TESK2: variants seen among roughly 807,000 people sequenced by gnomAD.
TESK2 encodes the protein dual specificity testis-specific protein kinase 2.
TESK2 carries 39 observed loss-of-function variants against 57.1 expected under a neutral mutation model. The observed-to-expected ratio is 0.68, with a 90% CI of 0.53 to 0.89. The LOEUF is 0.89. Among genes scored for constraint, TESK2 ranks in the 40% least tolerant of loss-of-function variants. The pLI is 0.00. For missense variants in TESK2, 646 were observed against 732.1 expected (o/e 0.88, Z 1.36); for synonymous variants, 249 against 267.9 (o/e 0.93, Z 0.69).
intron 4 of TESK2, among the ~76,000 whole-genome samples, chr1:45,383,418 C>T (rs4660853): frequency 0.27 from 41,381 of 151,912 alleles, 5,936 homozygotes; most frequent in Admixed American, 0.4. Flanking sequence ...TTACTAATAT[C>T]ATAAGCTATG....
chr1:45,485,784 G>A (rs1045477380), intron 1 of TESK2, among the ~76,000 whole-genome samples: 1 of 151,504 alleles, frequency 6.6e-6, no homozygotes, highest in Non-Finnish European at 1.5e-5. Context: ...GCCTCCCAAA[G>A]TGCTGGGATT....
At chr1:45,427,199 C>T (rs929494094) in intron 2 of TESK2, among the ~76,000 whole-genome samples, 54 of 148,062 alleles carry the variant, frequency 3.6e-4, no homozygotes, top group African/African-American at 1.2e-3. Context: ...GCCAAGATCA[C>T]GCCACTGCAC....
chr1:45,364,763 G>C (rs754778783), intron 4 of TESK2, among the ~76,000 whole-genome samples: 4 of 152,166 alleles, frequency 2.6e-5, no homozygotes, highest in Non-Finnish European at 4.4e-5. Context: ...AAGCTTTTTA[G>C]CAACTGAGTG....
intron 3 of TESK2, among the ~76,000 whole-genome samples, chr1:45,396,805 G>GT (rs55739766): frequency 0.045 from 3,331 of 73,538 alleles, 227 homozygotes; most frequent in African/African-American, 0.11. Context: ...CAGCTAAGTT[G>GT]TTTTTTTTTT....
At chr1:45,357,944 C>T (rs1218284012) in intron 4 of TESK2, among the ~76,000 whole-genome samples, 2 of 140,816 alleles carry the variant, frequency 1.4e-5, no homozygotes, top group Non-Finnish European at 3.0e-5. Flanking sequence ...ATGGAGGTTG[C>T]AGTAAGCCGA....
chr1:45,446,975 T>C (rs1270578599), intron 2 of TESK2, among the ~76,000 whole-genome samples: 2 of 152,210 alleles, frequency 1.3e-5, no homozygotes, highest in African/African-American at 2.4e-5. Context: ...CCCAGTACTT[T>C]GGGAAGCCAA....
chr1:45,367,945 C>T (rs907816652), intron 4 of TESK2, among the ~76,000 whole-genome samples: 1 of 151,552 alleles, frequency 6.6e-6, no homozygotes, highest in Non-Finnish European at 1.5e-5. Flanking sequence ...AGGCGTAAGC[C>T]ACCATGCCTG....
chr1:45,407,842 T>C (rs572997782), intron 3 of TESK2, among the ~76,000 whole-genome samples: 1 of 152,290 alleles, frequency 6.6e-6, no homozygotes, highest in East Asian at 1.9e-4. Flanking sequence ...AGGACTTATA[T>C]GCATGCCTAC....
chr1:45,489,309 A>G (rs1653616850), intron 1 of TESK2, among the ~76,000 whole-genome samples: 1 of 152,148 alleles, frequency 6.6e-6, no homozygotes, highest in Non-Finnish European at 1.5e-5. Flanking sequence ...AGTGTCTATT[A>G]CCTTTCAAAC....
At chr1:45,415,588 C>A (rs1279428287) in intron 3 of TESK2, among the ~76,000 whole-genome samples, 1 of 152,122 alleles carries the variant, frequency 6.6e-6, no homozygotes, top group Admixed American at 6.6e-5. Flanking sequence ...TAATAGGCCA[C>A]TGAAAGAAGC....
chr1:45,346,109 T>C (rs1265653523), intron 9 of TESK2, 115 bp from the exon 10 acceptor site: 1 of 793,300 alleles, frequency 1.3e-6, no homozygotes, highest in Admixed American at 2.0e-5. Flanking sequence ...AGAGACCTTT[T>C]CTAAAGGCCC....
chr1:45,352,662 C>T (rs1370273098), intron 5 of TESK2, among the ~76,000 whole-genome samples: 1 of 152,180 alleles, frequency 6.6e-6, no homozygotes, highest in Non-Finnish European at 1.5e-5. Flanking sequence ...CAAAACTGTA[C>T]ATACCTCTAG....
chr1:45,357,748 G>A (rs1048836666), intron 4 of TESK2, among the ~76,000 whole-genome samples: 3 of 151,768 alleles, frequency 2.0e-5, no homozygotes, highest in African/African-American at 4.8e-5. Flanking sequence ...GCTAACACCT[G>A]TAATCCCAGC....
At chr1:45,363,860 G>A (rs751665334) in intron 4 of TESK2, among the ~76,000 whole-genome samples, 6 of 152,058 alleles carry the variant, frequency 3.9e-5, no homozygotes, top group Non-Finnish European at 7.4e-5. Flanking sequence ...GTAGAGCCCT[G>A]AGTTGGTTAC....
At chr1:45,430,845 A>G (rs570621799) in intron 2 of TESK2, among the ~76,000 whole-genome samples, 4 of 152,296 alleles carry the variant, frequency 2.6e-5, no homozygotes, top group African/African-American at 9.6e-5. Flanking sequence ...ATATGGACGG[A>G]CAGAAATAGA....
intron 2 of TESK2, among the ~76,000 whole-genome samples, chr1:45,455,412 G>A (rs1652050166): frequency 6.6e-6 from 1 of 152,028 alleles, no homozygotes; most frequent in Non-Finnish European, 1.5e-5. Context: ...GCCACACTTC[G>A]GCCCACTTCA....
intron 3 of TESK2, among the ~76,000 whole-genome samples, chr1:45,386,569 T>G (rs1255443705): frequency 6.6e-6 from 1 of 152,058 alleles, no homozygotes; most frequent in African/African-American, 2.4e-5. Flanking sequence ...TGGTTTTTGG[T>G]TATATGGATT....
chr1:45,372,285 A>G (rs1016160999), intron 4 of TESK2, among the ~76,000 whole-genome samples: 1 of 151,542 alleles, frequency 6.6e-6, no homozygotes, highest in Admixed American at 6.6e-5. Context: ...AAAAGATGAA[A>G]AAGATCTGGC....
At chr1:45,415,491 C>T (rs1650201941) in intron 3 of TESK2, 1 of 547,158 alleles carries the variant, frequency 1.8e-6, no homozygotes, top group Non-Finnish European at 3.3e-6. Flanking sequence ...TCCTTGTTCC[C>T]TTCCATGCAT....
Sources: gnomAD v4.1 joint callset for allele counts (sites outside exome capture counted in the v4.1 genomes callset) on GRCh38, gnomAD v4.1.1 for gene constraint, MANE v1.5 for transcripts, NCBI Gene and HGNC (gene_info 2026-07-23, HGNC 2026-07-21) for gene names.